The following PALLD variants were observed in gnomAD, a reference collection of about 807,000 sequenced individuals.
PALLD encodes the protein palladin.
In PALLD, 61 loss-of-function variants were observed where a neutral mutation model predicts 123.5. That is an observed-to-expected ratio of 0.49 (90% CI 0.40 to 0.61). The LOEUF (loss-of-function observed/expected upper bound fraction) is 0.61. Among genes scored for constraint, PALLD ranks in the 20% least tolerant of loss-of-function variants. The pLI is 0.00. For synonymous variants in PALLD, 465 were observed against 496.4 expected (o/e 0.94, Z 0.84); for missense variants, 1,273 against 1,377.0 (o/e 0.92, Z 1.20).
At position 168,575,459 on chromosome 4, in the gene PALLD, C is replaced by T. The variant is rs187309133; in HGVS notation, c.908+63047C>T. On this transcript the variant is annotated intron_variant, in intron 2 of 21. Coordinates refer to ENST00000505667, the MANE Select transcript of PALLD (RefSeq NM_001166108.2). ...ATCACGAGAACAGCATGGGGGAAAC[C>T]GCCCCCATGATCCAATCATCTCCCT... Among the ~76,000 whole-genome samples, 300 of 152,024 alleles carry T rather than the reference C, an allele frequency of 2.0e-3. 2 individuals are homozygous for T. Among genetic ancestry groups the T allele is most frequent in the African/African-American group, 6.8e-3 (280 of 41,470 alleles).
chr4:168,639,829 C>T (rs969813355), intron 2 of PALLD, among the ~76,000 whole-genome samples: 1 of 152,214 alleles, frequency 6.6e-6, no homozygotes, highest in East Asian at 1.9e-4. Flanking sequence ...TAGGCGTGAG[C>T]CACCGTGCCC....
At chr4:168,621,916 G>A (rs562775757) in intron 2 of PALLD, among the ~76,000 whole-genome samples, 2 of 152,258 alleles carry the variant, frequency 1.3e-5, no homozygotes, top group Non-Finnish European at 2.9e-5. Context: ...GATTCTTCAG[G>A]TCTGCGAACA....
intron 10 of PALLD, among the ~76,000 whole-genome samples, chr4:168,744,290 G>T (rs1788647439): frequency 6.6e-6 from 1 of 152,160 alleles, no homozygotes; most frequent in Non-Finnish European, 1.5e-5. Flanking sequence ...CTCTGCTTCT[G>T]TTTGTATTGA....
At chr4:168,843,716 A>T (rs894322331) in intron 10 of PALLD, among the ~76,000 whole-genome samples, 1 of 152,114 alleles carries the variant, frequency 6.6e-6, no homozygotes, top group Non-Finnish European at 1.5e-5. Flanking sequence ...GACTAATTGA[A>T]TGCAAAGTAT....
intron 1 of PALLD, chr4:168,506,241 T>C (rs1018397941): frequency 6.6e-6 from 1 of 152,228 alleles, no homozygotes; most frequent in African/African-American, 2.4e-5. Context: ...TTACAAAACT[T>C]CCTTCCCCCT....
intron 10 of PALLD, chr4:168,755,894 GA>G: frequency 5.6e-6 from 1 of 179,316 alleles, no homozygotes; most frequent in Non-Finnish European, 1.2e-5. Context: ...CAGTTCTTGT[GA>G]AAGGCCCTAG....
At chr4:168,612,546 T>G (rs1773841364) in intron 2 of PALLD, among the ~76,000 whole-genome samples, 1 of 152,156 alleles carries the variant, frequency 6.6e-6, no homozygotes, top group Non-Finnish European at 1.5e-5. Flanking sequence ...GGGGTAATAA[T>G]TTTATCTAAG....
intron 10 of PALLD, among the ~76,000 whole-genome samples, chr4:168,881,486 C>T (rs1752600023): frequency 6.8e-6 from 1 of 147,988 alleles, no homozygotes; most frequent in Non-Finnish European, 1.5e-5. Context: ...CCCCAGACCG[C>T]AGTCAACCAA....
At chr4:168,682,875 A>G in intron 4 of PALLD, 123 bp from the exon 5 acceptor site, 1 of 647,598 alleles carries the variant, frequency 1.5e-6, no homozygotes, top group Non-Finnish European at 2.8e-6. Flanking sequence ...CGGATTGCGT[A>G]TACAAAAAGA....
Position 168,583,975 on chromosome 4 carries a change from C to T in PALLD, c.908+71563C>T, listed in dbSNP as rs144858737. On this transcript the variant is annotated intron_variant, in intron 2 of 21. Transcript: ENST00000505667. ...GTACATGCAATTAAATTTTCTGAGC[C>T]CAAAATTTCTCATCTCTGAAATAAG... Among the ~76,000 whole-genome samples the T allele has an allele frequency of 1.9e-3, 282 of 152,100 alleles. 2 individuals carry two copies. The highest frequency in any genetic ancestry group is 6.5e-3 in the African/African-American group (271 of 41,472).
intron 2 of PALLD, among the ~76,000 whole-genome samples, chr4:168,556,910 A>G (rs1013365831): frequency 6.6e-6 from 1 of 152,184 alleles, no homozygotes; most frequent in African/African-American, 2.4e-5. Flanking sequence ...TTATAGCCCT[A>G]CTTTATTCTA....
chr4:168,734,839 A>G (rs1296066565), intron 10 of PALLD, among the ~76,000 whole-genome samples: 1 of 152,056 alleles, frequency 6.6e-6, no homozygotes, highest in Admixed American at 6.6e-5. Context: ...CAGGAAGATC[A>G]CTTGAGCCCA....
At chr4:168,530,299 T>A (rs1764480524) in intron 2 of PALLD, among the ~76,000 whole-genome samples, 1 of 152,224 alleles carries the variant, frequency 6.6e-6, no homozygotes, top group African/African-American at 2.4e-5. Context: ...CTCATCTTGC[T>A]ATTGATGTCC....
Position 168,725,947 on chromosome 4 carries a change from G to T in PALLD, c.1964+14024G>T, listed in dbSNP as rs1387530217. ...TCTTGCTCCAGGTGACTGTTTTTATGTGCCTTCCCTTCCCTCATAGCCACT... is the reference window on the plus strand; with the variant it reads ...TCTTGCTCCAGGTGACTGTTTTTATTTGCCTTCCCTTCCCTCATAGCCACT... On this transcript the variant is annotated intron_variant, in intron 10 of 21. Transcript: ENST00000505667. Among the ~76,000 whole-genome samples, 4 of 152,170 alleles carry T rather than the reference G, an allele frequency of 2.6e-5. No homozygotes were observed. The South Asian group carries it at 8.3e-4, about 31-fold the overall frequency.
chr4:168,784,605 G>A (rs148108721), intron 10 of PALLD, among the ~76,000 whole-genome samples: 358 of 152,280 alleles, frequency 2.4e-3, no homozygotes, highest in African/African-American at 6.3e-3. Context: ...CAAGGGAAGC[G>A]GGCGGGAGAA....
At chr4:168,683,586 T>G (rs535529447) in intron 5 of PALLD, among the ~76,000 whole-genome samples, 1 of 152,330 alleles carries the variant, frequency 6.6e-6, no homozygotes, top group Admixed American at 6.5e-5. Flanking sequence ...ATTGTAAGAC[T>G]GCTATAGCCA....
At chr4:168,712,260 A>G in intron 10 of PALLD, 2 of 400,690 alleles carry the variant, frequency 5.0e-6, no homozygotes, top group South Asian at 2.7e-5. Context: ...CCCTTTATTA[A>G]AAGCATTTCA....
intron 17 of PALLD, among the ~76,000 whole-genome samples, chr4:168,918,770 G>T (rs1760793427): frequency 6.6e-6 from 1 of 151,996 alleles, no homozygotes. Flanking sequence ...AAAATAATGT[G>T]CAGAATTACA....
chr4:168,720,124 C>T (rs1212298629), intron 10 of PALLD, among the ~76,000 whole-genome samples: 1 of 152,138 alleles, frequency 6.6e-6, no homozygotes, highest in Non-Finnish European at 1.5e-5. Context: ...AAGAGCAGTA[C>T]CTTTGAATAA....
Sources: allele counts gnomAD v4.1 joint callset (sites outside exome capture counted in the v4.1 genomes callset), GRCh38; gene constraint gnomAD v4.1.1; transcripts MANE v1.5; gene names NCBI Gene and HGNC (gene_info 2026-07-23, HGNC 2026-07-21).